Variants in LRRTM4 observed in about 807,000 individuals in gnomAD.
The protein encoded by LRRTM4 is leucine rich repeat transmembrane neuronal 4.
In LRRTM4, 25 loss-of-function variants were observed where a neutral mutation model predicts 47.6. The observed-to-expected ratio is 0.53, with a 90% CI of 0.38 to 0.73. LRRTM4 has a LOEUF of 0.73. Among genes scored for constraint, LRRTM4 ranks in the 30% least tolerant of loss-of-function variants. The probability of loss-of-function intolerance (pLI) is 0.00; values close to 1 mark genes in which losing one functional copy is unlikely to be tolerated. For synonymous variants in LRRTM4, 311 were observed against 269.5 expected, an observed-to-expected ratio of 1.15 and a Z score of -1.51; for missense variants, 638 against 713.4, an observed-to-expected ratio of 0.89 and a Z score of 1.20.
Position 77,214,699 on chromosome 2 carries a change from C to CT in LRRTM4, c.1551+303618dup, listed in dbSNP as rs200502274. Among the ~76,000 whole-genome samples the CT allele has an allele frequency of 2.5e-3, 367 of 145,628 alleles. 2 individuals are homozygous for CT. Among genetic ancestry groups the CT allele is most frequent in the African/African-American group, 6.9e-3 (277 of 39,928 alleles). ...GCAAAAATACTATTTTTATATAAAT[C>CT]TTTTTTTTTTTACCATTGCTAACTT... On this transcript the variant is annotated intron_variant, in intron 3 of 3. Transcript: ENST00000409884.
At chr2:77,130,220 G>A (rs1053092517) in intron 3 of LRRTM4, among the ~76,000 whole-genome samples, 2 of 152,018 alleles carry the variant, frequency 1.3e-5, no homozygotes, top group African/African-American at 2.4e-5. Context: ...CACACAAAAA[G>A]TATAAGTATA....
chr2:77,260,407 G>GTGTGTA (rs1553418016), intron 3 of LRRTM4, among the ~76,000 whole-genome samples: 1,742 of 151,270 alleles, frequency 0.012, 29 homozygotes, highest in African/African-American at 0.04. Context: ...GTGTGTGTGT[G>GTGTGTA]TGTGTGTAGA....
At position 77,518,567 on chromosome 2, in the gene LRRTM4, G is replaced by C. The variant is rs1399421927; in HGVS notation, c.1302C>G (p.Leu434=). 22 of 1,613,298 alleles carry C rather than the reference G, an allele frequency of 1.4e-5. No homozygotes were observed. The highest frequency in any genetic ancestry group is 2.7e-5 in the African/African-American group (2 of 74,856). The change falls in exon 3 of 4, where the codon CTC becomes CTG. Residue 434 remains leucine (L), a synonymous_variant. Transcript: ENST00000409884. The part of the protein sequence containing the change: ...KIIAGSVALF[L]SVAMILLVIY... The stretch of plus-strand genomic sequence containing the variant: ...TCACCAAGAGGATCATGGCCACTGA[G>C]AGAAAGAGAGCCACACTCCCGGCAA...
Position 77,075,711 on chromosome 2 carries a change from C to T in LRRTM4, c.1552-326795G>A, listed in dbSNP as rs374546521. Among the ~76,000 whole-genome samples the T allele has an allele frequency of 6.8e-3, 1,026 of 150,620 alleles. 17 individuals are homozygous for T. Among genetic ancestry groups the T allele is most frequent in the East Asian group, 0.064 (326 of 5,120 alleles). On this transcript the variant is annotated intron_variant, in intron 3 of 3. Coordinates refer to ENST00000409884, the MANE Select transcript of LRRTM4 (RefSeq NM_001134745.3). ...CGGGCAGATCACGAGGTCAGGAGAT[C>T]GAGACCATCCTGGCTAACAAGGTGA... is the stretch of plus-strand genomic sequence containing the variant.
At chr2:77,089,744 T>C (rs1365431835) in intron 3 of LRRTM4, among the ~76,000 whole-genome samples, 2 of 139,724 alleles carry the variant, frequency 1.4e-5, no homozygotes, top group South Asian at 2.3e-4. Context: ...CTTATTTTCT[T>C]CTGCAATGCC....
At chr2:77,219,701 G>A (rs965803211) in intron 3 of LRRTM4, among the ~76,000 whole-genome samples, 10 of 152,146 alleles carry the variant, frequency 6.6e-5, no homozygotes, top group South Asian at 2.1e-4. Context: ...GAGGATTCCC[G>A]CCATTCTTTT....
At chr2:77,486,692 C>G (rs1443818815) in intron 3 of LRRTM4, among the ~76,000 whole-genome samples, 1 of 152,176 alleles carries the variant, frequency 6.6e-6, no homozygotes, top group Non-Finnish European at 1.5e-5. Context: ...GAAAATTACT[C>G]TAAGCAACTC....
At chr2:77,119,080 A>G (rs763086387) in intron 3 of LRRTM4, among the ~76,000 whole-genome samples, 1 of 151,840 alleles carries the variant, frequency 6.6e-6, no homozygotes, top group Non-Finnish European at 1.5e-5. Flanking sequence ...CAATTTTTGA[A>G]GGTTCATCAC....
intron 3 of LRRTM4, among the ~76,000 whole-genome samples, chr2:76,788,763 A>AG (rs902283838): frequency 1.6e-4 from 25 of 152,268 alleles, no homozygotes; most frequent in African/African-American, 3.4e-4. Context: ...GTGAATTTTT[A>AG]GGGGGGAGGA....
chr2:76,944,032 C>T (rs1472666267), intron 3 of LRRTM4, among the ~76,000 whole-genome samples: 1 of 152,082 alleles, frequency 6.6e-6, no homozygotes. Context: ...CTATATTGAG[C>T]CATCCAAAAA....
chr2:77,327,476 T>C (rs1670819900), intron 3 of LRRTM4, among the ~76,000 whole-genome samples: 1 of 152,220 alleles, frequency 6.6e-6, no homozygotes, highest in Non-Finnish European at 1.5e-5. Context: ...TATGCAAAAC[T>C]GTTCCTTTGG....
chr2:77,035,025 T>TA (rs543826049), intron 3 of LRRTM4, among the ~76,000 whole-genome samples: 64 of 151,848 alleles, frequency 4.2e-4, no homozygotes, highest in East Asian at 1.7e-3. Flanking sequence ...ACTAGGCTTT[T>TA]AAAAAATAAT....
At chr2:77,449,752 T>C (rs1236945579) in intron 3 of LRRTM4, among the ~76,000 whole-genome samples, 1 of 152,188 alleles carries the variant, frequency 6.6e-6, no homozygotes, top group Non-Finnish European at 1.5e-5. Flanking sequence ...CAAAAACAGC[T>C]CCTGGTGCCC....
intron 3 of LRRTM4, among the ~76,000 whole-genome samples, chr2:77,231,362 G>A (rs1674961256): frequency 6.6e-6 from 1 of 152,006 alleles, no homozygotes; most frequent in Non-Finnish European, 1.5e-5. Flanking sequence ...AATTATAACG[G>A]AATCTTATAA....
intron 3 of LRRTM4, among the ~76,000 whole-genome samples, chr2:77,386,446 A>C (rs1230924652): frequency 6.6e-6 from 1 of 152,098 alleles, no homozygotes; most frequent in East Asian, 1.9e-4. Context: ...AAGGACATAA[A>C]CTCATTATTT....
intron 3 of LRRTM4, among the ~76,000 whole-genome samples, chr2:76,886,102 T>G (rs560522866): frequency 1.3e-5 from 2 of 152,230 alleles, no homozygotes; most frequent in Admixed American, 1.3e-4. Context: ...TCATCCTGAA[T>G]AGAAAATCAA....
intron 3 of LRRTM4, among the ~76,000 whole-genome samples, chr2:76,785,968 C>T (rs185406802): frequency 4.6e-5 from 7 of 152,104 alleles, no homozygotes; most frequent in Admixed American, 6.6e-5. Flanking sequence ...TTGCACTTGA[C>T]GGACTTCTGA....
intron 3 of LRRTM4, among the ~76,000 whole-genome samples, chr2:77,157,649 C>T (rs1672595284): frequency 6.6e-6 from 1 of 152,080 alleles, no homozygotes; most frequent in Admixed American, 6.6e-5. Context: ...AGAAATAAAC[C>T]TATAATGTAA....
In LRRTM4 at chr2:76,998,971, G is replaced by T. The variant is rs188309868; in HGVS notation, c.1552-250055C>A. On this transcript the variant is annotated intron_variant, in intron 3 of 3. Coordinates refer to ENST00000409884, the MANE Select transcript of LRRTM4 (RefSeq NM_001134745.3). ...GAACTGTAACTACTCGCCCTAACAT[G>T]TGTTTCTTTCTATTTCCTATCAGTC... is the stretch of plus-strand genomic sequence containing the variant. Among the ~76,000 whole-genome samples, 375 of 149,110 alleles carry T rather than the reference G, an allele frequency of 2.5e-3. 1 individual carries two copies. The highest frequency in any genetic ancestry group is 3.6e-3 in the Non-Finnish European group (239 of 67,132).
Sources: gnomAD v4.1 joint callset for allele counts (sites outside exome capture counted in the v4.1 genomes callset) on GRCh38, gnomAD v4.1.1 for gene constraint, MANE v1.5 for transcripts, NCBI Gene and HGNC (gene_info 2026-07-23, HGNC 2026-07-21) for gene names.